PLCL2: variants seen among roughly 807,000 people sequenced by gnomAD.
PLCL2 encodes inactive phospholipase C-like protein 2.
Under a neutral mutation model 79.6 loss-of-function variants are expected in PLCL2, and 4 were observed. The ratio of observed to expected loss-of-function variants is 0.05; its 90% CI spans 0.02 to 0.11. PLCL2 has a LOEUF of 0.11. Ranked by LOEUF, PLCL2 falls within the 10% of genes least tolerant of loss-of-function variation. The pLI is 1.00. For synonymous variants in PLCL2, 484 were observed against 457.7 expected (o/e 1.06, Z -0.73); for missense variants, 895 against 1,291.0 (o/e 0.69, Z 4.70).
At chr3:16,892,863 G>A (rs1373536228) in intron 1 of PLCL2, among the ~76,000 whole-genome samples, 2 of 152,162 alleles carry the variant, frequency 1.3e-5, no homozygotes, top group Admixed American at 6.5e-5. Flanking sequence ...TAGAGAGGCT[G>A]TAAGAGGCAA....
At chr3:17,057,044 T>A (rs2064898970) in intron 4 of PLCL2, among the ~76,000 whole-genome samples, 1 of 152,142 alleles carries the variant, frequency 6.6e-6, no homozygotes, top group Non-Finnish European at 1.5e-5. Context: ...ACAGTAAAAA[T>A]TAGGTTGGAA....
rs926708237 is a variant in PLCL2 at position 16,985,905 on chromosome 3, C to A, written c.328-23769C>A. Among the ~76,000 whole-genome samples the A allele has an allele frequency of 1.3e-4, 20 of 152,104 alleles. 1 individual carries two copies. The highest frequency in any genetic ancestry group is 1.3e-3 in the Admixed American group (20 of 15,266). ...ATGGGACAGTTTTCAATATTCCCGG[C>A]AGCCCCTTGGAGATACCAGGAGGAA... On this transcript the variant is annotated intron_variant, in intron 1 of 5. Coordinates refer to ENST00000615277, the MANE Select transcript of PLCL2 (RefSeq NM_001144382.2).
At chr3:17,013,986 A>G (rs774096352) in intron 2 of PLCL2, among the ~76,000 whole-genome samples, 2 of 152,256 alleles carry the variant, frequency 1.3e-5, no homozygotes, top group Non-Finnish European at 2.9e-5. Flanking sequence ...TGTAATAAAT[A>G]TGCCTAGTAT....
chr3:16,979,387 G>C (rs1177891691), intron 1 of PLCL2, among the ~76,000 whole-genome samples: 5 of 133,636 alleles, frequency 3.7e-5, no homozygotes, highest in African/African-American at 1.4e-4. Flanking sequence ...TCTCGCAGAG[G>C]GGGATTTGGC....
At position 16,971,334 on chromosome 3, in the gene PLCL2, G is replaced by T. The variant is rs550981993; in HGVS notation, c.328-38340G>T. Among the ~76,000 whole-genome samples, 952 of 152,090 alleles carry T rather than the reference G, an allele frequency of 6.3e-3. 5 individuals carry two copies. Among genetic ancestry groups the T allele is most frequent in the Non-Finnish European group, 9.6e-3 (650 of 67,992 alleles). On this transcript the variant is annotated intron_variant, in intron 1 of 5. Coordinates refer to ENST00000615277, the MANE Select transcript of PLCL2 (RefSeq NM_001144382.2). ...TTAAATAGGGAATCCTTTCCCCATTGCTTGTTTTTGTCAGGTTTGTCAAAG... is the reference window on the plus strand; with the variant it reads ...TTAAATAGGGAATCCTTTCCCCATTTCTTGTTTTTGTCAGGTTTGTCAAAG...
intron 1 of PLCL2, among the ~76,000 whole-genome samples, chr3:16,927,361 AT>A (rs1442334665): frequency 6.6e-6 from 1 of 152,264 alleles, no homozygotes; most frequent in Non-Finnish European, 1.5e-5. Context: ...ACAAAAAAAA[AT>A]GAAATAAACA....
At chr3:17,080,591 C>T (rs2065153032) in intron 5 of PLCL2, among the ~76,000 whole-genome samples, 1 of 152,264 alleles carries the variant, frequency 6.6e-6, no homozygotes, top group South Asian at 2.1e-4. Flanking sequence ...GCTGGGATTA[C>T]AGTCGCCCGC....
intron 5 of PLCL2, chr3:17,081,298 C>G (rs2065160311): frequency 2.2e-6 from 1 of 455,710 alleles, no homozygotes; most frequent in African/African-American, 2.0e-5. Context: ...AGAAAAGTGT[C>G]TGCTGGCCCC....
intron 1 of PLCL2, among the ~76,000 whole-genome samples, chr3:16,891,721 C>G (rs898181327): frequency 6.6e-6 from 1 of 152,220 alleles, no homozygotes; most frequent in Non-Finnish European, 1.5e-5. Context: ...TCAAAGGCAT[C>G]TCAGCTTGGA....
At chr3:16,982,688 T>A (rs1341542412) in intron 1 of PLCL2, among the ~76,000 whole-genome samples, 1 of 152,222 alleles carries the variant, frequency 6.6e-6, no homozygotes, top group East Asian at 1.9e-4. Flanking sequence ...ATGACTTCCT[T>A]TTTAAACAGC....
chr3:16,886,865 GGT>G lies in PLCL2; in HGVS notation c.327+1502_327+1503del, dbSNP rs1696236729. On this transcript the variant is annotated intron_variant, in intron 1 of 5. Coordinates refer to ENST00000615277, the MANE Select transcript of PLCL2 (RefSeq NM_001144382.2). The surrounding 1 kb of genome is among the most constrained non-coding windows in gnomAD (Gnocchi z 4.2). ...AATATTTGTGGTGATTTTGCATTGT[GGT>G]GTTAATAAAATTTGAGGTGAAAATT... 6.6e-6 allele frequency among the ~76,000 whole-genome samples: 1 copy of G among 152,112 alleles called. No individual in the cohort carries two copies. Among genetic ancestry groups the G allele is most frequent in the African/African-American group, 2.4e-5 (1 of 41,404 alleles).
intron 1 of PLCL2, among the ~76,000 whole-genome samples, chr3:16,933,923 C>T (rs578040914): frequency 2.6e-5 from 4 of 151,972 alleles, no homozygotes; most frequent in East Asian, 1.9e-4. Context: ...AGAAATTAGC[C>T]GGGCATGATG....
intron 1 of PLCL2, among the ~76,000 whole-genome samples, chr3:16,903,327 G>A (rs1271032048): frequency 6.6e-6 from 1 of 152,074 alleles, no homozygotes; most frequent in African/African-American, 2.4e-5. Context: ...TGCTGCAGGC[G>A]AATATTGGGT....
At chr3:16,966,050 C>T (rs1016780179) in intron 1 of PLCL2, among the ~76,000 whole-genome samples, 7 of 152,046 alleles carry the variant, frequency 4.6e-5, no homozygotes, top group Admixed American at 2.0e-4. Context: ...ACTTCCAACA[C>T]TATGTTGAAT....
chr3:16,953,660 T>C (rs1217359238), intron 1 of PLCL2, among the ~76,000 whole-genome samples: 2 of 152,182 alleles, frequency 1.3e-5, no homozygotes, highest in African/African-American at 2.4e-5. Context: ...CTGAAATTCA[T>C]TGTGTACAAG....
chr3:16,976,429 T>C (rs1451037427), intron 1 of PLCL2, among the ~76,000 whole-genome samples: 1 of 152,214 alleles, frequency 6.6e-6, no homozygotes. Flanking sequence ...CAGAATTCTT[T>C]CTTCTTAGGA....
At chr3:16,934,685 A>G (rs1312118534) in intron 1 of PLCL2, among the ~76,000 whole-genome samples, 2 of 152,176 alleles carry the variant, frequency 1.3e-5, no homozygotes, top group Non-Finnish European at 2.9e-5. Flanking sequence ...CTATGTAGGA[A>G]GCTGTTGCAG....
intron 5 of PLCL2, among the ~76,000 whole-genome samples, chr3:17,088,433 G>T (rs1029414802): frequency 6.6e-6 from 1 of 151,974 alleles, no homozygotes; most frequent in Non-Finnish European, 1.5e-5. Flanking sequence ...AAGGGGATGG[G>T]AAAAAATAGC....
intron 1 of PLCL2, among the ~76,000 whole-genome samples, chr3:16,930,405 T>C (rs1376794584): frequency 6.6e-6 from 1 of 152,218 alleles, no homozygotes; most frequent in Non-Finnish European, 1.5e-5. Flanking sequence ...ACAGCTGTGT[T>C]TGAAAGTCTC....
Sources: allele counts gnomAD v4.1 joint callset (sites outside exome capture counted in the v4.1 genomes callset), GRCh38; gene constraint gnomAD v4.1.1; non-coding constraint Gnocchi (gnomAD v3.1); transcripts MANE v1.5; gene names NCBI Gene and HGNC (gene_info 2026-07-23, HGNC 2026-07-21).